The following LTF variants were observed in gnomAD, a reference collection of about 807,000 sequenced individuals.
LTF encodes the protein lactotransferrin.
LTF carries 91 observed loss-of-function variants against 87.2 expected under a neutral mutation model. That is an observed-to-expected ratio of 1.04 (90% CI 0.88 to 1.24). The LOEUF (loss-of-function observed/expected upper bound fraction) is 1.24, where lower values mean the gene tolerates loss of function less well. Among genes scored for constraint, LTF ranks in the 50% most tolerant of loss-of-function variants. The probability of loss-of-function intolerance (pLI) is 0.00; values close to 1 mark genes in which losing one functional copy is unlikely to be tolerated. For synonymous variants in LTF, 378 were observed against 356.1 expected (o/e 1.06, Z -0.69); for missense variants, 901 against 904.3 (o/e 1.00, Z 0.05).
chr3:46,476,260 A>G (rs112257327), intron 1 of LTF, among the ~76,000 whole-genome samples: 5 of 152,350 alleles, frequency 3.3e-5, no homozygotes, highest in African/African-American at 1.2e-4. Context: ...CTGATCTCAG[A>G]AGGCAAGCTT....
At chr3:46,440,768 G>T (rs1702497522) in intron 14 of LTF, among the ~76,000 whole-genome samples, 1 of 152,210 alleles carries the variant, frequency 6.6e-6, no homozygotes, top group African/African-American at 2.4e-5. Flanking sequence ...AAACAGAATA[G>T]CAAGTCACCT....
chr3:46,467,088 C>T (rs9821919), upstream of LTF, among the ~76,000 whole-genome samples: 729 of 152,280 alleles, frequency 4.8e-3, 8 homozygotes, highest in African/African-American at 0.016. Flanking sequence ...CAGCCCAGCC[C>T]CAGGGCAGGG....
chr3:46,483,835 T>A (rs1703482969), intron 1 of LTF, among the ~76,000 whole-genome samples: 2 of 151,986 alleles, frequency 1.3e-5, no homozygotes, highest in Admixed American at 1.3e-4. Flanking sequence ...GAGACAGGGA[T>A]CTTGCTATGT....
At chr3:46,437,801 A>C in intron 16 of LTF, 139 bp downstream of exon 16, 1 of 676,986 alleles carries the variant, frequency 1.5e-6, no homozygotes, top group Non-Finnish European at 2.6e-6. Context: ...ATGAGATTAT[A>C]ATTTCCTGAA....
intron 15 of LTF, among the ~76,000 whole-genome samples, chr3:46,438,701 C>T (rs988852963): frequency 1.9e-4 from 29 of 152,172 alleles, no homozygotes; most frequent in African/African-American, 6.8e-4. Context: ...CCATAAAGGC[C>T]AGTTATGGTG....
intron 1 of LTF, chr3:46,460,617 A>G (rs1367850012): frequency 6.6e-6 from 3 of 454,360 alleles, no homozygotes; most frequent in South Asian, 4.7e-5. Context: ...ACATCATACT[A>G]AAATGGTGAA....
rs112931478 is a variant in LTF at position 46,454,336 on chromosome 3, G to A, written c.672C>T (p.Asp224=). Residue 224 remains aspartate (D), a synonymous_variant, in exon 6 of 17, where the codon GAC becomes GAT. Coordinates refer to ENST00000231751, the MANE Select transcript of LTF (RefSeq NM_002343.6). ...CTGTGCTCTCTCTGATAAAAGCCAC[G>A]TCTCCAGCCCCGTCTCTCAGACACC... ...AFKCLRDGAG[D]VAFIRESTVF... 106 of 1,614,108 alleles carry A rather than the reference G, an allele frequency of 6.6e-5. No homozygotes were observed. Among genetic ancestry groups the A allele is most frequent in the Admixed American group, 6.2e-4 (37 of 60,022 alleles).
intron 13 of LTF, 40 bp downstream of exon 13, chr3:46,443,401 G>C: frequency 6.2e-7 from 1 of 1,611,304 alleles, no homozygotes; most frequent in Non-Finnish European, 8.5e-7. Context: ...TGAGGGATGA[G>C]GTAAGTCCCC....
chr3:46,466,049 G>A (rs1375700103), upstream of LTF, among the ~76,000 whole-genome samples: 1 of 152,124 alleles, frequency 6.6e-6, no homozygotes, highest in African/African-American at 2.4e-5. Context: ...GACTAGCCTG[G>A]GCAACATAGG....
rs770094868 is a variant in LTF, at chr3:46,448,958, C to T, written c.1117G>A (p.Glu373Lys). Reference sequence around the variant, plus strand: ...CTCCACTGGTTACACTTGCGCAGCTCCTGCTCGCCCACCGCACACCACACG... The same window carrying T: ...CTCCACTGGTTACACTTGCGCAGCTTCTGCTCGCCCACCGCACACCACACG... Reference protein sequence around the residue: ...RVVWCAVGEQELRKCNQWSGL... With the variant: ...RVVWCAVGEQKLRKCNQWSGL... Residue 373 changes from glutamate (E) to lysine (K), a missense_variant, in exon 9 of 17, where the codon GAG (glutamate) becomes AAG (lysine). Physicochemically the swap from Glu to Lys is moderately conservative, Grantham distance 56. Coordinates refer to ENST00000231751, the MANE Select transcript of LTF (RefSeq NM_002343.6). 2 of 1,613,564 alleles carry T rather than the reference C, an allele frequency of 1.2e-6. No individual in the cohort carries two copies. Among genetic ancestry groups the T allele is most frequent in the South Asian group, 2.2e-5 (2 of 91,050 alleles).
At chr3:46,462,698 T>G (rs1703113977) in intron 1 of LTF, among the ~76,000 whole-genome samples, 1 of 151,338 alleles carries the variant, frequency 6.6e-6, no homozygotes, top group African/African-American at 2.4e-5. Context: ...AGGGGCAGAG[T>G]GAACTGAGAC....
chr3:46,479,431 A>C (rs1231842843), intron 1 of LTF, among the ~76,000 whole-genome samples: 1 of 152,242 alleles, frequency 6.6e-6, no homozygotes, highest in Non-Finnish European at 1.5e-5. Context: ...ATGGACTGAG[A>C]GGCAGAACAA....
intron 1 of LTF, among the ~76,000 whole-genome samples, chr3:46,483,428 A>G (rs1703477110): frequency 6.6e-6 from 1 of 152,256 alleles, no homozygotes; most frequent in Non-Finnish European, 1.5e-5. Context: ...AATACTATCA[A>G]CTAAGCAGTG....
At chr3:46,454,087 T>A in intron 6 of LTF, 1 of 565,436 alleles carries the variant, frequency 1.8e-6, no homozygotes, top group South Asian at 2.1e-5. Context: ...CACCTAGGCA[T>A]GGGTGTCTAT....
chr3:46,440,506 C>T (rs942283530), intron 14 of LTF, among the ~76,000 whole-genome samples: 1 of 152,216 alleles, frequency 6.6e-6, no homozygotes, highest in African/African-American at 2.4e-5. Flanking sequence ...GTATGCATGT[C>T]TATGTTTGTG....
At chr3:46,444,070 G>C (rs1380946958) in intron 12 of LTF, among the ~76,000 whole-genome samples, 1 of 152,162 alleles carries the variant, frequency 6.6e-6, no homozygotes, top group African/African-American at 2.4e-5. Context: ...CAGGAGTGTT[G>C]GGCGCCAGCT....
Position 46,463,468 on chromosome 3 carries a change from C to A in LTF, c.43+1357G>T, listed in dbSNP as rs1030874513. 5 of 985,752 alleles carry A rather than the reference C, an allele frequency of 5.1e-6. No homozygotes were observed. In the African/African-American group the frequency reaches 8.7e-5, roughly 17 times the overall value. The allele number at this position is 985,752 out of a possible 1,614,324, so 61.1% of individuals were successfully genotyped here. A position where few individuals can be genotyped will look rare whatever the true frequency, so the allele number is the denominator to read the frequency against. On this transcript the variant is annotated intron_variant, in intron 1 of 16. Transcript: ENST00000231751. ...CCCAACTTCTGTCAGCCTGGACACC[C>A]ACGGGGAGCAGGGCAGGAATTCCAC...
Position 46,450,646 on chromosome 3 carries a change from T to G in LTF, c.731A>C (p.Asp244Ala), listed in dbSNP as rs1437663750. 6.2e-7 allele frequency: 1 copy of G among 1,613,316 alleles called. No homozygotes were observed. Among genetic ancestry groups the G allele is most frequent in the Admixed American group, 1.7e-5 (1 of 60,012 alleles). ...GTCTGGGCAGAGTAACTCATACTCG[T>G]CCCTTTCAGCCTCGTCTGACAGGTC... ...FEDLSDEAER[D>A]EYELLCPDNT... The change falls in exon 7 of 17, where the codon GAC becomes GCC. Residue 244 changes from aspartate (D) to alanine (A), a missense_variant. By Grantham distance (126) the Asp-to-Ala change is moderately radical. Coordinates refer to ENST00000231751, the MANE Select transcript of LTF (RefSeq NM_002343.6).
In LTF at chr3:46,459,832, G is replaced by A; in HGVS notation, c.44-13C>T. The stretch of plus-strand genomic sequence containing the variant: ...GCCAGACACAGTCCTGGGAGAGAGG[G>A]GCCAAGGAGTAAGGATTCAACCACT... On this transcript the variant is annotated splice_polypyrimidine_tract_variant and intron_variant, in intron 1 of 16. Transcript: ENST00000231751. The A allele has an allele frequency of 6.6e-7, 1 of 1,515,064 alleles. No homozygotes were observed. The allele number at this position is 1,515,064 out of a possible 1,614,324, so 93.9% of individuals were successfully genotyped here. A position where few individuals can be genotyped will look rare whatever the true frequency, so the allele number is the denominator to read the frequency against.
Sources: allele counts gnomAD v4.1 joint callset (sites outside exome capture counted in the v4.1 genomes callset), GRCh38; gene constraint gnomAD v4.1.1; transcripts MANE v1.5; gene names NCBI Gene and HGNC (gene_info 2026-07-23, HGNC 2026-07-21).